A2ML1: variants seen among roughly 807,000 people sequenced by gnomAD.
A2ML1 encodes alpha-2-macroglobulin-like protein 1.
Under a neutral mutation model 181.9 loss-of-function variants are expected in A2ML1, and 161 were observed. The observed-to-expected ratio is 0.89, with a 90% CI of 0.78 to 1.01. The LOEUF is 1.01. Among genes scored for constraint, A2ML1 ranks in the 50% least tolerant of loss-of-function variants. The probability of loss-of-function intolerance (pLI) is 0.00; values close to 1 mark genes in which losing one functional copy is unlikely to be tolerated. For missense variants in A2ML1, 1,670 were observed against 1,768.1 expected (o/e 0.94, Z 1.00); for synonymous variants, 663 against 666.8 (o/e 0.99, Z 0.09).
At chr12:8,842,494 C>T (rs1052712143) in intron 11 of A2ML1, among the ~76,000 whole-genome samples, 1 of 152,202 alleles carries the variant, frequency 6.6e-6, no homozygotes, top group Non-Finnish European at 1.5e-5. Flanking sequence ...GCTGGGATTA[C>T]AGGCGTGAGC....
intron 3 of A2ML1, among the ~76,000 whole-genome samples, chr12:8,824,222 G>GTTTGTT (rs1942848971): frequency 2.2e-5 from 2 of 92,310 alleles, no homozygotes; most frequent in African/African-American, 8.6e-5. Flanking sequence ...AGCTACTGGG[G>GTTTGTT]TTTTTTTTTT....
At chr12:8,836,630 C>CATTA (rs1943287909) in intron 7 of A2ML1, among the ~76,000 whole-genome samples, 2 of 151,674 alleles carry the variant, frequency 1.3e-5, no homozygotes, top group African/African-American at 4.8e-5. Flanking sequence ...ATCACAGGCG[C>CATTA]GCGCCACCAT....
At position 8,876,282 on chromosome 12, in the gene A2ML1, T is replaced by C. The variant is rs1240974480; in HGVS notation, c.*226T>C. 1 of 152,170 alleles carries C rather than the reference T, an allele frequency of 6.6e-6. No homozygotes were observed. The highest frequency in any genetic ancestry group is 1.5e-5 in the Non-Finnish European group (1 of 68,076). The allele number at this position is 152,170 out of a possible 1,614,324, so 9.4% of individuals were successfully genotyped here. On this transcript the variant is annotated 3_prime_UTR_variant, in exon 36 of 36. Transcript: ENST00000299698. ...CAGAGGAGGCGTTGCATGGGCAGGGTCATAGGGGGAAGAAAGGTGGTTTAG... is the reference window on the plus strand; with the variant it reads ...CAGAGGAGGCGTTGCATGGGCAGGGCCATAGGGGGAAGAAAGGTGGTTTAG...
Position 8,868,041 on chromosome 12 carries a change from G to T in A2ML1, c.3917G>T (p.Gly1306Val), listed in dbSNP as rs778284933. The T allele has an allele frequency of 1.2e-5, 19 of 1,614,072 alleles. No individual in the cohort carries two copies. In the South Asian group the frequency reaches 2.0e-4, roughly 17 times the overall value. Residue 1306 changes from glycine to valine, a missense_variant, in exon 30 of 36, where the codon GGC (glycine) becomes GTC (valine). Transcript: ENST00000299698. ...GMYTLEASGQ[G>V]CVYVQTVLRY... ...TACACGTTGGAGGCCTCAGGCCAGG[G>T]CTGTGTCTATGTGCAGGTAAGTAGA...
chr12:8,825,776 T>C (rs1478802658), intron 3 of A2ML1, among the ~76,000 whole-genome samples: 3 of 152,204 alleles, frequency 2.0e-5, no homozygotes, highest in African/African-American at 7.2e-5. Flanking sequence ...TTTTTCTATA[T>C]GGAGAGAGAT....
At chr12:8,853,872 A>C (rs575326670) in intron 20 of A2ML1, among the ~76,000 whole-genome samples, 7 of 152,132 alleles carry the variant, frequency 4.6e-5, no homozygotes, top group Non-Finnish European at 1.0e-4. Flanking sequence ...CTCACACTCA[A>C]TGGATGTAAA....
chr12:8,846,272 G>C (rs759237977), intron 14 of A2ML1, 50 bp downstream of exon 14: 1 of 1,606,812 alleles, frequency 6.2e-7, no homozygotes, highest in Non-Finnish European at 8.5e-7. Context: ...CATAGAGAAA[G>C]ATCTTGTGTG....
chr12:8,859,030 A>G (rs531391533), intron 26 of A2ML1, among the ~76,000 whole-genome samples: 10 of 152,068 alleles, frequency 6.6e-5, no homozygotes, highest in Admixed American at 1.3e-4. Flanking sequence ...AAACTAAGCC[A>G]TGGAGACTAA....
In A2ML1 at chr12:8,868,637, T is replaced by G; in HGVS notation, c.4152+10T>G. On this transcript the variant is annotated intron_variant, in intron 32 of 35. Coordinates refer to ENST00000299698, the MANE Select transcript of A2ML1 (RefSeq NM_144670.6). ...GGGCACCAATCAGTTAGTAAGTTAC[T>G]TCTGTTTTCTTCATTTATCTAGCTG... 2 of 1,609,812 alleles carry G rather than the reference T, an allele frequency of 1.2e-6. No individual in the cohort carries two copies. The highest frequency in any genetic ancestry group is 1.7e-6 in the Non-Finnish European group (2 of 1,178,268).
chr12:8,883,578 A>G (rs1363794205), intron 7 of A2ML1, among the ~76,000 whole-genome samples: 1 of 151,804 alleles, frequency 6.6e-6, no homozygotes, highest in South Asian at 2.1e-4. Flanking sequence ...CCCAGGTTCA[A>G]GAGATTCTCC....
intron 3 of A2ML1, among the ~76,000 whole-genome samples, chr12:8,828,490 T>C (rs938564779): frequency 6.6e-6 from 1 of 152,092 alleles, no homozygotes; most frequent in Non-Finnish European, 1.5e-5. Flanking sequence ...GGACTCTCTT[T>C]TCAGGGCAGT....
intron 35 of A2ML1, chr12:8,875,849 C>T (rs900516526): frequency 6.6e-6 from 1 of 152,186 alleles, no homozygotes; most frequent in Non-Finnish European, 1.5e-5. Flanking sequence ...GATATTTTTA[C>T]ATGATACATC....
intron 11 of A2ML1, 116 bp downstream of exon 11, chr12:8,841,652 C>A: frequency 9.1e-7 from 1 of 1,095,830 alleles, no homozygotes; most frequent in Non-Finnish European, 1.3e-6. Context: ...TTCTCACTCA[C>A]AAGTCCTGCT....
intron 3 of A2ML1, among the ~76,000 whole-genome samples, chr12:8,825,482 A>G (rs1284312900): frequency 6.6e-6 from 1 of 152,008 alleles, no homozygotes; most frequent in Non-Finnish European, 1.5e-5. Flanking sequence ...AGCTCCTTAT[A>G]TATTCTGGTT....
At chr12:8,854,674 G>C (rs1944000588) in intron 21 of A2ML1, 106 bp from the exon 22 acceptor site, 4 of 1,237,482 alleles carry the variant, frequency 3.2e-6, no homozygotes, top group Middle Eastern at 2.4e-4. Context: ...GCAGTTCTGA[G>C]GGAAGCCCTG....
Position 8,875,013 on chromosome 12 carries a change from G to GT in A2ML1, c.*1+2dup, listed in dbSNP as rs1232193554. ...CAGTATTCTGATCCCTGTGAATGAG[G>GT]TAAGTCCAGCGGAGAAATGGGTGGA... is the stretch of plus-strand genomic sequence containing the variant. On this transcript the variant is annotated splice_donor_variant, in intron 35 of 35. Transcript: ENST00000299698. LOFTEE classifies it low-confidence loss of function (3UTR_SPLICE). 1.9e-6 allele frequency: 3 copies of GT among 1,614,044 alleles called. No homozygotes were observed. Among genetic ancestry groups the GT allele is most frequent in the Admixed American group, 3.3e-5 (2 of 60,018 alleles).
At chr12:8,829,878 C>A in intron 4 of A2ML1, 99 bp downstream of exon 4, 1 of 1,483,018 alleles carries the variant, frequency 6.7e-7, no homozygotes, top group Non-Finnish European at 9.4e-7. Context: ...CGTGGCAAGG[C>A]GAGGCCCTCT....
chr12:8,858,463 G>A (rs56273384), intron 26 of A2ML1, among the ~76,000 whole-genome samples: 7,953 of 152,194 alleles, frequency 0.052, 307 homozygotes, highest in Non-Finnish European at 0.085. Flanking sequence ...GTGCATGCCT[G>A]TAGTCCCAGC....
downstream of A2ML1, among the ~76,000 whole-genome samples, chr12:8,879,263 G>A (rs935573126): frequency 2.6e-5 from 4 of 152,014 alleles, no homozygotes; most frequent in African/African-American, 4.8e-5. Flanking sequence ...AGGCTTAGGC[G>A]GGCGGATCAC....
Sources: gnomAD v4.1 joint callset for allele counts (sites outside exome capture counted in the v4.1 genomes callset) on GRCh38, gnomAD v4.1.1 for gene constraint, MANE v1.5 for transcripts, NCBI Gene and HGNC (gene_info 2026-07-23, HGNC 2026-07-21) for gene names.